Variants in SEMA3D observed in about 807,000 individuals in gnomAD.
The protein encoded by SEMA3D is semaphorin-3D.
A neutral mutation model predicts 100.1 loss-of-function variants in SEMA3D; 84 were observed. The observed-to-expected ratio is 0.84, with a 90% CI of 0.70 to 1.01. SEMA3D has a LOEUF of 1.01. SEMA3D is among the 50% of genes least tolerant of loss of function. SEMA3D has a pLI of 0.00. For synonymous variants in SEMA3D, 312 were observed against 320.7 expected (o/e 0.97, Z 0.29); for missense variants, 875 against 934.1 (o/e 0.94, Z 0.82).
chr7:85,073,525 C>A (rs563059891), intron 5 of SEMA3D, among the ~76,000 whole-genome samples: 1 of 152,020 alleles, frequency 6.6e-6, no homozygotes, highest in South Asian at 2.1e-4. Context: ...GCTAGGACTA[C>A]AAGCACCCAC....
chr7:85,171,856 A>C (rs1234874376), intron 1 of SEMA3D, among the ~76,000 whole-genome samples: 1 of 152,068 alleles, frequency 6.6e-6, no homozygotes, highest in Admixed American at 6.6e-5. Flanking sequence ...ACTCAGTTTT[A>C]GTCTTTAAAA....
intron 1 of SEMA3D, among the ~76,000 whole-genome samples, chr7:85,184,482 T>C (rs565717920): frequency 3.9e-4 from 59 of 152,178 alleles, no homozygotes; most frequent in African/African-American, 1.4e-3. Flanking sequence ...TATAAATCTT[T>C]ATGTCTTTGT....
At chr7:85,216,839 CTTAAT>C in the SEMA3D span, among the ~76,000 whole-genome samples, 1 of 151,692 alleles carries the variant, frequency 6.6e-6, no homozygotes, top group East Asian at 1.9e-4. Context: ...TAGTTTTGTA[CTTAAT>C]TTAATATTCT....
At chr7:85,176,094 T>G (rs1207907922) in intron 1 of SEMA3D, among the ~76,000 whole-genome samples, 1 of 151,912 alleles carries the variant, frequency 6.6e-6, no homozygotes, top group Non-Finnish European at 1.5e-5. Context: ...ACAACATGAG[T>G]CTATACAAAA....
intron 18 of SEMA3D, among the ~76,000 whole-genome samples, chr7:85,003,878 C>G (rs1036364272): frequency 6.6e-6 from 1 of 152,072 alleles, no homozygotes; most frequent in African/African-American, 2.4e-5. Flanking sequence ...GGATTCATAA[C>G]AGACACTAAT....
At chr7:85,217,354 G>A in the SEMA3D span, among the ~76,000 whole-genome samples, 1 of 152,136 alleles carries the variant, frequency 6.6e-6, no homozygotes, top group African/African-American at 2.4e-5. Context: ...ACATGCTTCA[G>A]TAATACTCCT....
At chr7:85,017,878 G>A (rs985941740) in intron 15 of SEMA3D, among the ~76,000 whole-genome samples, 6 of 151,496 alleles carry the variant, frequency 4.0e-5, no homozygotes, top group African/African-American at 1.5e-4. Flanking sequence ...TTGGCTGTTG[G>A]GCTGCCACCA....
chr7:85,194,838 G>A, the SEMA3D span, among the ~76,000 whole-genome samples: 6 of 151,966 alleles, frequency 3.9e-5, no homozygotes, highest in African/African-American at 1.5e-4. Context: ...CATCTTTTCT[G>A]GTGTTTTTCC....
chr7:85,103,952 A>C (rs1204911102), intron 3 of SEMA3D, among the ~76,000 whole-genome samples: 2 of 151,980 alleles, frequency 1.3e-5, no homozygotes, highest in African/African-American at 4.8e-5. Context: ...AACAACATGA[A>C]ATTTTCACGT....
At position 85,070,349 on chromosome 7, in the gene SEMA3D, T is replaced by C. The variant is rs558387198; in HGVS notation, c.496-2065A>G. Among the ~76,000 whole-genome samples the C allele has an allele frequency of 3.9e-5, 6 of 152,310 alleles. No homozygotes were observed. In the South Asian group the frequency reaches 1.2e-3, roughly 32 times the overall value. ...TCAATAAATAACACCACTCTTCAAC[T>C]CACTGGCAAAGTCAGGAATCTGGGA... On this transcript the variant is annotated intron_variant, in intron 6 of 18. Transcript: ENST00000284136.
At chr7:85,018,929 CATCT>C (rs1192620060) in intron 14 of SEMA3D, among the ~76,000 whole-genome samples, 1 of 151,688 alleles carries the variant, frequency 6.6e-6, no homozygotes, top group African/African-American at 2.4e-5. Flanking sequence ...ATCTACCTAT[CATCT>C]ATCTACTATT....
rs766203704 is a variant in SEMA3D, at chr7:84,999,635, G to A, written c.2139C>T (p.Tyr713=). 6.2e-7 allele frequency: 1 copy of A among 1,613,934 alleles called. No homozygotes were observed. The highest frequency in any genetic ancestry group is 8.5e-7 in the Non-Finnish European group (1 of 1,180,012). The change falls in exon 19 of 19, where the codon TAC becomes TAT. Residue 713 remains tyrosine (Y), a synonymous_variant. Transcript: ENST00000284136. ...KDLLAESRLR[Y]KDYIQILSSP... ...TGCTAAGGATTTGGATGTAGTCTTT[G>A]TATCTCAACCGTGACTCAGCCAATA...
chr7:85,066,481 G>C (rs1791623573), intron 7 of SEMA3D, among the ~76,000 whole-genome samples: 1 of 151,824 alleles, frequency 6.6e-6, no homozygotes, highest in Admixed American at 6.6e-5. Context: ...AGGGATCCAT[G>C]TTCCCTAATG....
At chr7:85,119,892 A>G (rs1281737145) in intron 3 of SEMA3D, among the ~76,000 whole-genome samples, 3 of 152,002 alleles carry the variant, frequency 2.0e-5, no homozygotes, top group Non-Finnish European at 4.4e-5. Flanking sequence ...TTTCAGCTCA[A>G]TATCTTGGCT....
chr7:85,204,852 G>A, the SEMA3D span, among the ~76,000 whole-genome samples: 56 of 151,824 alleles, frequency 3.7e-4, no homozygotes, highest in Non-Finnish European at 7.7e-4. Flanking sequence ...CACCATTACA[G>A]TTTTCCTTAG....
At chr7:85,148,212 T>A (rs1790270605) in intron 2 of SEMA3D, among the ~76,000 whole-genome samples, 1 of 152,216 alleles carries the variant, frequency 6.6e-6, no homozygotes, top group Admixed American at 6.5e-5. Context: ...CTATTAATGA[T>A]GATCATTAAT....
intron 3 of SEMA3D, among the ~76,000 whole-genome samples, chr7:85,102,119 G>A (rs1445339999): frequency 6.6e-6 from 1 of 151,892 alleles, no homozygotes; most frequent in African/African-American, 2.4e-5. Context: ...AATTCTAATA[G>A]AAGTATATAT....
intron 12 of SEMA3D, among the ~76,000 whole-genome samples, chr7:85,027,614 T>G (rs564407618): frequency 2.0e-5 from 3 of 152,194 alleles, no homozygotes; most frequent in African/African-American, 7.2e-5. Flanking sequence ...TTTACTTTAT[T>G]TTCTCACTAA....
the SEMA3D span, among the ~76,000 whole-genome samples, chr7:85,227,313 C>T: frequency 6.6e-6 from 1 of 152,048 alleles, no homozygotes; most frequent in Admixed American, 6.5e-5. Flanking sequence ...AGGTAACCAC[C>T]AATGTCATGT....
Sources: gnomAD v4.1 joint callset for allele counts (sites outside exome capture counted in the v4.1 genomes callset) on GRCh38, gnomAD v4.1.1 for gene constraint, MANE v1.5 for transcripts, NCBI Gene and HGNC (gene_info 2026-07-23, HGNC 2026-07-21) for gene names.